The following BRD10 variants were observed in gnomAD, a reference collection of about 807,000 sequenced individuals.
The protein encoded by BRD10 is uncharacterized bromodomain-containing protein 10.
At chr9:5,885,118 C>T in the BRD10 span, among the ~76,000 whole-genome samples, 2 of 152,310 alleles carry the variant, frequency 1.3e-5, no homozygotes, top group East Asian at 3.9e-4. Flanking sequence ...CCTGCCTAGC[C>T]ATGCCTCGAT....
chr9:5,885,948 G>A, the BRD10 span, among the ~76,000 whole-genome samples: 1 of 152,160 alleles, frequency 6.6e-6, no homozygotes, highest in African/African-American at 2.4e-5. Context: ...GGATTTTCAG[G>A]CATAACCCTG....
At chr9:5,967,986 A>T in the BRD10 span, 2 of 1,297,196 alleles carry the variant, frequency 1.5e-6, no homozygotes, top group Non-Finnish European at 2.1e-6. Flanking sequence ...AATTATACTT[A>T]AATATAACTC....
At chr9:5,930,174 TG>T in the BRD10 span, among the ~76,000 whole-genome samples, 1 of 138,816 alleles carries the variant, frequency 7.2e-6, no homozygotes. Context: ...ACAATCCACA[TG>T]TTTTCTTTCT....
the BRD10 span, chr9:6,007,961 C>T: frequency 1.5e-6 from 2 of 1,293,862 alleles, no homozygotes; most frequent in Non-Finnish European, 2.0e-6. Flanking sequence ...TTGAGCTCAC[C>T]GCCGGCGGGG....
the BRD10 span, chr9:6,007,457 C>A: frequency 6.2e-7 from 1 of 1,608,506 alleles, no homozygotes; most frequent in African/African-American, 1.3e-5. Context: ...TCCTCCTCCG[C>A]GGTGGCAACG....
the BRD10 span, among the ~76,000 whole-genome samples, chr9:5,924,196 G>A: frequency 1.3e-5 from 2 of 152,162 alleles, no homozygotes; most frequent in African/African-American, 2.4e-5. Flanking sequence ...GATCAAGGGT[G>A]TGTGGTTTGT....
the BRD10 span, among the ~76,000 whole-genome samples, chr9:5,953,440 A>C: frequency 1.3e-5 from 2 of 152,158 alleles, no homozygotes; most frequent in South Asian, 4.1e-4. Flanking sequence ...ATGGCAGTAC[A>C]GATAATTACT....
At chr9:5,925,045 G>C in the BRD10 span, among the ~76,000 whole-genome samples, 2 of 152,200 alleles carry the variant, frequency 1.3e-5, no homozygotes, top group African/African-American at 4.8e-5. Context: ...ATAGGCATAA[G>C]AAACTTGAAA....
the BRD10 span, among the ~76,000 whole-genome samples, chr9:5,931,256 A>G: frequency 6.6e-6 from 1 of 152,160 alleles, no homozygotes; most frequent in Non-Finnish European, 1.5e-5. Context: ...GGCACAGAAG[A>G]CCTTACTTAG....
chr9:5,992,409 T>A, the BRD10 span, among the ~76,000 whole-genome samples: 1 of 152,228 alleles, frequency 6.6e-6, no homozygotes, highest in Non-Finnish European at 1.5e-5. Context: ...TTAAACATGT[T>A]ACTATCTACT....
chr9:5,884,493 T>A, the BRD10 span, among the ~76,000 whole-genome samples: 1 of 152,204 alleles, frequency 6.6e-6, no homozygotes, highest in Non-Finnish European at 1.5e-5. Flanking sequence ...CCTAAACCAC[T>A]GGGATGTCAC....
chr9:5,968,721 C>A, the BRD10 span: 3,555 of 1,613,778 alleles, frequency 2.2e-3, 8 homozygotes, highest in Non-Finnish European at 2.8e-3. Context: ...ATCCGAGGTA[C>A]TCTTTGTATT....
chr9:5,916,998 C>T, the BRD10 span, among the ~76,000 whole-genome samples: 4 of 152,052 alleles, frequency 2.6e-5, no homozygotes, highest in South Asian at 2.1e-4. Context: ...ATCCATTAAT[C>T]GAATTTCTAG....
chr9:5,984,716 T>A, the BRD10 span, among the ~76,000 whole-genome samples: 1 of 152,050 alleles, frequency 6.6e-6, no homozygotes. Context: ...AATTAAATTT[T>A]AAAATGACTT....
chr9:5,885,963 T>C, the BRD10 span, among the ~76,000 whole-genome samples: 1 of 152,196 alleles, frequency 6.6e-6, no homozygotes, highest in Non-Finnish European at 1.5e-5. Flanking sequence ...ACCCTGAAGT[T>C]CAGGTAGAAG....
the BRD10 span, among the ~76,000 whole-genome samples, chr9:5,970,919 G>A: frequency 6.6e-6 from 1 of 151,942 alleles, no homozygotes; most frequent in Non-Finnish European, 1.5e-5. Context: ...GGGCATGGTG[G>A]CACATGCCTA....
chr9:5,939,995 T>C, the BRD10 span, among the ~76,000 whole-genome samples: 1 of 152,224 alleles, frequency 6.6e-6, no homozygotes, highest in African/African-American at 2.4e-5. Context: ...AGCTTCTGAC[T>C]TCTCTAATAT....
chr9:5,931,480 C>A, the BRD10 span, among the ~76,000 whole-genome samples: 1 of 152,128 alleles, frequency 6.6e-6, no homozygotes, highest in African/African-American at 2.4e-5. Context: ...AACTAGAAGA[C>A]TGTATATAAG....
the BRD10 span, among the ~76,000 whole-genome samples, chr9:5,915,154 A>T: frequency 3.3e-5 from 5 of 151,692 alleles, no homozygotes; most frequent in African/African-American, 1.2e-4. Context: ...GTTTTCCCTT[A>T]AAAAATACCT....
Sources: gnomAD v4.1 joint callset for allele counts (sites outside exome capture counted in the v4.1 genomes callset) on GRCh38, gnomAD v4.1.1 for gene constraint, MANE v1.5 for transcripts, NCBI Gene and HGNC (gene_info 2026-07-23, HGNC 2026-07-21) for gene names.